The following CHD2 variants were observed in gnomAD, a reference collection of about 807,000 sequenced individuals.
CHD2 encodes the protein chromodomain helicase DNA binding protein 2, also known as ATP-dependent chromatin remodeler CHD2.
CHD2 carries 28 observed loss-of-function variants against 243.9 expected under a neutral mutation model. The ratio of observed to expected loss-of-function variants is 0.11; its 90% CI spans 0.09 to 0.16. The LOEUF (loss-of-function observed/expected upper bound fraction) is 0.16, where lower values mean the gene tolerates loss of function less well. Among genes scored for constraint, CHD2 ranks in the 10% least tolerant of loss-of-function variants. The pLI is 1.00. For missense variants in CHD2, 1,386 were observed against 2,209.8 expected (o/e 0.63, Z 7.47); for synonymous variants, 775 against 779.0 (o/e 0.99, Z 0.09).
At chr15:93,015,085 T>G (rs58895473) in intron 37 of CHD2, among the ~76,000 whole-genome samples, 176 bp downstream of exon 37, 167 of 152,294 alleles carry the variant, frequency 1.1e-3, no homozygotes, top group Middle Eastern at 3.4e-3. Context: ...CAATTTTTTT[T>G]TTTGTTTGTT....
chr15:92,925,584 A>G (rs1332585122), intron 3 of CHD2, among the ~76,000 whole-genome samples: 1 of 152,210 alleles, frequency 6.6e-6, no homozygotes, highest in Non-Finnish European at 1.5e-5. Context: ...GTTGAGTAAA[A>G]ACTTTCATAG....
chr15:93,004,146 C>T (rs926781725), intron 33 of CHD2, among the ~76,000 whole-genome samples: 17 of 146,208 alleles, frequency 1.2e-4, no homozygotes, highest in African/African-American at 3.8e-4. Context: ...AAAAAAAGTA[C>T]CTGAAGTCAT....
chr15:92,993,066 G>A, intron 28 of CHD2, 68 bp downstream of exon 28: 1 of 1,579,118 alleles, frequency 6.3e-7, no homozygotes, highest in South Asian at 1.1e-5. Flanking sequence ...TGTTGCTAAA[G>A]GGCGTTTTAA....
intron 3 of CHD2, among the ~76,000 whole-genome samples, chr15:92,925,527 G>C (rs2053042884): frequency 6.6e-6 from 1 of 152,198 alleles, no homozygotes; most frequent in Non-Finnish European, 1.5e-5. Flanking sequence ...TAGTAACACT[G>C]AAATGATTTT....
intron 9 of CHD2, 140 bp from the exon 10 acceptor site, chr15:92,944,275 G>A (rs913918617): frequency 5.1e-5 from 25 of 486,960 alleles, no homozygotes; most frequent in South Asian, 4.1e-4. Context: ...AATCTCTGGC[G>A]TAATTACTAG....
At chr15:92,928,884 C>T (rs1302433614) in intron 4 of CHD2, 146 bp from the exon 5 acceptor site, 1 of 599,380 alleles carries the variant, frequency 1.7e-6, no homozygotes, top group East Asian at 3.0e-5. Context: ...GGGAGTTCCA[C>T]CAAGCAAGTG....
Position 92,997,001 on chromosome 15 carries a change from G to A in CHD2, c.3640G>A (p.Gly1214Arg), listed in dbSNP as rs1596446980. The change falls in exon 29 of 39, where the codon GGA becomes AGA. Residue 1214 changes from glycine to arginine, a missense_variant. Gly to Arg is a moderately radical substitution (Grantham distance 125). Coordinates refer to ENST00000394196, the MANE Select transcript of CHD2 (RefSeq NM_001271.4). The surrounding 1 kb of genome is among the most constrained non-coding windows in gnomAD (Gnocchi z 4.1). ...KRRGPTIKIS[G>R]VQVNVKSIIQ... ...GAGAGGTCCAACAATCAAGATATCC[G>A]GAGTTCAGGTTAATGTGAAATCCAT... The A allele has an allele frequency of 5.6e-6, 9 of 1,613,436 alleles. No homozygotes were observed. Among genetic ancestry groups the A allele is most frequent in the African/African-American group, 1.3e-5 (1 of 74,976 alleles).
At chr15:92,974,539 T>C (rs1051244580) in intron 19 of CHD2, among the ~76,000 whole-genome samples, 2 of 152,320 alleles carry the variant, frequency 1.3e-5, no homozygotes, top group Admixed American at 6.5e-5. Flanking sequence ...TTTCCTAATC[T>C]CTGCAGTACC....
At chr15:92,964,373 G>T (rs1399275133) in intron 16 of CHD2, among the ~76,000 whole-genome samples, 2 of 152,172 alleles carry the variant, frequency 1.3e-5, no homozygotes, top group Non-Finnish European at 2.9e-5. Flanking sequence ...GCCTGAGCTT[G>T]CTGGATGGGT....
intron 20 of CHD2, among the ~76,000 whole-genome samples, chr15:92,977,975 G>A (rs2053931565): frequency 1.3e-5 from 2 of 152,110 alleles, no homozygotes. Context: ...TAGCCGGGAG[G>A]TAGCACTAAT....
intron 2 of CHD2, among the ~76,000 whole-genome samples, chr15:92,903,011 A>ATG (rs1316002436): frequency 1.3e-5 from 2 of 152,224 alleles, no homozygotes; most frequent in African/African-American, 4.8e-5. Context: ...TACATGAAGC[A>ATG]TGTACTGACT....
chr15:92,989,433 G>A (rs1167605449), intron 26 of CHD2, among the ~76,000 whole-genome samples: 2 of 152,190 alleles, frequency 1.3e-5, no homozygotes, highest in Non-Finnish European at 2.9e-5. Context: ...TCCCAGCCAT[G>A]TGTTGTGTTT....
chr15:92,930,431 T>TTTTTG (rs764226207), intron 5 of CHD2, among the ~76,000 whole-genome samples: 51 of 152,106 alleles, frequency 3.4e-4, no homozygotes, highest in Admixed American at 2.0e-4. Context: ...CTTGTCAGCC[T>TTTTTG]TTTTGTTTTG....
intron 2 of CHD2, among the ~76,000 whole-genome samples, chr15:92,907,561 G>A: frequency 6.6e-6 from 1 of 152,208 alleles, no homozygotes; most frequent in East Asian, 1.9e-4. Context: ...AGCTAGGTAT[G>A]AGTTCAGCTT....
At chr15:93,017,381 G>A (rs1372779336) in intron 37 of CHD2, among the ~76,000 whole-genome samples, 3 of 151,594 alleles carry the variant, frequency 2.0e-5, no homozygotes, top group South Asian at 2.1e-4. Flanking sequence ...GGAGTGTAGC[G>A]GCGGCACGAT....
rs1167323749 is a variant in CHD2 at position 92,980,898 on chromosome 15, A to T, written c.2960A>T (p.Glu987Val). The T allele has an allele frequency of 6.2e-7, 1 of 1,612,572 alleles. No homozygotes were observed. Among genetic ancestry groups the T allele is most frequent in the Non-Finnish European group, 8.5e-7 (1 of 1,178,732 alleles). ...CTCTTCAAAGAACTGGAAGGGGAGGAATCAGAACCTCAGGTAATTAACAAT... is the reference window on the plus strand; with the variant it reads ...CTCTTCAAAGAACTGGAAGGGGAGGTATCAGAACCTCAGGTAATTAACAAT... ...EDLFKELEGE[E>V]SEPQEMDIDE... Residue 987 changes from glutamate to valine, a missense_variant, in exon 23 of 39, where the codon GAA becomes GTA. Physicochemically the swap from Glu to Val is moderately radical, Grantham distance 121. Around this residue, in one of 19 missense-constraint regions of CHD2, gnomAD observed 99 missense variants for 206.4 expected, o/e 0.48. Transcript: ENST00000394196.
At chr15:92,967,581 T>A in intron 17 of CHD2, 68 bp downstream of exon 17, 1 of 1,051,636 alleles carries the variant, frequency 9.5e-7, no homozygotes, top group Non-Finnish European at 1.3e-6. Context: ...AGATAGGAGA[T>A]ATATATATAT....
intron 38 of CHD2, among the ~76,000 whole-genome samples, chr15:93,022,935 GT>G (rs1473405213): frequency 6.6e-6 from 1 of 152,210 alleles, no homozygotes; most frequent in African/African-American, 2.4e-5. Context: ...CCTTTTGGCT[GT>G]TTCAGGCAGG....
chr15:92,978,087 G>T, intron 20 of CHD2, 147 bp from the exon 21 acceptor site: 1 of 874,074 alleles, frequency 1.1e-6, no homozygotes, highest in Non-Finnish European at 1.8e-6. Flanking sequence ...TCAAGTCCCT[G>T]ACATTCTTTT....
Sources: allele counts gnomAD v4.1 joint callset (sites outside exome capture counted in the v4.1 genomes callset), GRCh38; gene constraint gnomAD v4.1.1; regional missense constraint gnomAD v4.1.1; non-coding constraint Gnocchi (gnomAD v3.1); transcripts MANE v1.5; gene names NCBI Gene and HGNC (gene_info 2026-07-23, HGNC 2026-07-21).